The following C2CD4A variants were observed in gnomAD, a reference collection of about 807,000 sequenced individuals.
C2CD4A encodes C2 calcium-dependent domain-containing protein 4A.
A neutral mutation model predicts 0.4 loss-of-function variants in C2CD4A; 2 were observed. That is an observed-to-expected ratio of 4.45 (90% CI 1.82 to 13.99). The LOEUF (loss-of-function observed/expected upper bound fraction) is 13.99, where lower values mean the gene tolerates loss of function less well. C2CD4A is among the 30% of genes most tolerant of loss of function. The probability of loss-of-function intolerance (pLI) is 0.04; values close to 1 mark genes in which losing one functional copy is unlikely to be tolerated. For missense variants in C2CD4A, 610 were observed against 574.2 expected (o/e 1.06, Z -0.64); for synonymous variants, 297 against 280.8 (o/e 1.06, Z -0.58).
At position 62,068,121 on chromosome 15, in the gene C2CD4A, G is replaced by A. The variant is rs1206445824; in HGVS notation, c.508G>A (p.Asp170Asn). 13 of 1,181,556 alleles carry A rather than the reference G, an allele frequency of 1.1e-5. No individual in the cohort carries two copies. The highest frequency in any genetic ancestry group is 1.6e-5 in the African/African-American group (1 of 61,714). The allele number at this position is 1,181,556 out of a possible 1,614,324, so 73.2% of individuals were successfully genotyped here. The part of the protein sequence containing the change: ...AAPGCPRPPQ[D>N]ALARRPRGCR... ...CCCCGGCTGTCCCCGCCCGCCCCAG[G>A]ACGCGCTCGCCCGGCGGCCCCGCGG... The change falls in exon 2 of 2, where the codon GAC (aspartate) becomes AAC (asparagine). Residue 170 changes from aspartate to asparagine, a missense_variant. Physicochemically the swap from Asp to Asn is conservative, Grantham distance 23. Coordinates refer to ENST00000355522, the MANE Select transcript of C2CD4A (RefSeq NM_207322.3).
At position 62,068,058 on chromosome 15, in the gene C2CD4A, C is replaced by T. The variant is rs12911745; in HGVS notation, c.445C>T (p.Arg149Cys). 2 of 1,188,104 alleles carry T rather than the reference C, an allele frequency of 1.7e-6. No individual in the cohort carries two copies. The highest frequency in any genetic ancestry group is 2.1e-6 in the Non-Finnish European group (2 of 962,128). 73.6% of individuals were successfully genotyped at this position (1,188,104 alleles called of 1,614,324 possible). Reference protein sequence around the residue: ...GGPDALLGTLRVPRAPGPATP... With the variant: ...GGPDALLGTLCVPRAPGPATP... ...CCCGGACGCCCTCCTGGGGACCCTG[C>T]GCGTCCCGCGAGCTCCGGGCCCGGC... The change falls in exon 2 of 2, where the codon CGC (arginine) becomes TGC (cysteine). Residue 149 changes from arginine (R) to cysteine (C), a missense_variant. Coordinates refer to ENST00000355522, the MANE Select transcript of C2CD4A (RefSeq NM_207322.3).
Position 62,068,667 on chromosome 15 carries a change from CG to C in C2CD4A, c.1058del (p.Gly353AlafsTer34). On this transcript the variant is annotated frameshift_variant, in exon 2 of 2. Transcript: ENST00000355522. ...CCGGGACGAGGGCCGCGGCCGGGAG[CG>C]GGGCCGCCTGCTGGGCCAGGGTGAG... is the stretch of plus-strand genomic sequence containing the variant. ...KARDEGRGRE[R>X]GRLLGQGELS... 6.5e-7 allele frequency: 1 copy of C among 1,547,354 alleles called. No individual in the cohort carries two copies. The highest frequency in any genetic ancestry group is 8.7e-7 in the Non-Finnish European group (1 of 1,145,084).
In C2CD4A at chr15:62,067,980, G is replaced by C. The variant is rs765060811; in HGVS notation, c.367G>C (p.Gly123Arg). ...HTRRKESLLL[G>R]GPPAPRPRAH... is the part of the protein sequence containing the mutation. ...GCGCCGCAAGGAGTCGCTCCTGCTC[G>C]GGGGCCCGCCCGCGCCCCGGCCCCG... is the stretch of plus-strand genomic sequence containing the variant. The change falls in exon 2 of 2, where the codon GGG becomes CGG. Residue 123 changes from glycine (G) to arginine (R), a missense_variant. By Grantham distance (125) the Gly-to-Arg change is moderately radical. Coordinates refer to ENST00000355522, the MANE Select transcript of C2CD4A (RefSeq NM_207322.3). 18 of 1,427,486 alleles carry C rather than the reference G, an allele frequency of 1.3e-5. No individual in the cohort carries two copies. Among genetic ancestry groups the C allele is most frequent in the Admixed American group, 3.0e-5 (1 of 32,836 alleles). The allele number at this position is 1,427,486 out of a possible 1,614,324, so 88.4% of individuals were successfully genotyped here.
Position 62,070,519 on chromosome 15 carries a change from A to T in C2CD4A, c.*1796A>T. 4.8e-6 allele frequency: 2 copies of T among 413,540 alleles called. No homozygotes were observed. The highest frequency in any genetic ancestry group is 4.4e-6 in the Non-Finnish European group (1 of 226,152). 25.6% of individuals were successfully genotyped at this position (413,540 alleles called of 1,614,324 possible). ...ACAGTTTTATACATTCATGTTCATT[A>T]AAAATGCTATTTAGAAAAGAGTTTG... On this transcript the variant is annotated 3_prime_UTR_variant, in exon 2 of 2. Coordinates refer to ENST00000355522, the MANE Select transcript of C2CD4A (RefSeq NM_207322.3).
intron 1 of C2CD4A, 109 bp from the exon 2 acceptor site, chr15:62,067,476 G>A: frequency 1.0e-6 from 1 of 953,488 alleles, no homozygotes; most frequent in South Asian, 1.8e-5. Flanking sequence ...CCTTGTTTCG[G>A]GAAAGGCAGG....
In C2CD4A at chr15:62,068,648, C is replaced by G; in HGVS notation, c.1035C>G (p.Asp345Glu). The change falls in exon 2 of 2, where the codon GAC (aspartate) becomes GAG (glutamate). Residue 345 changes from aspartate to glutamate, a missense_variant. Asp to Glu is a conservative substitution (Grantham distance 45). Coordinates refer to ENST00000355522, the MANE Select transcript of C2CD4A (RefSeq NM_207322.3). ...TGGCCGTTCGAGTCAAGGCCCGGGA[C>G]GAGGGCCGCGGCCGGGAGCGGGGCC... The part of the protein sequence containing the change: ...RRLAVRVKAR[D>E]EGRGRERGRL... The G allele has an allele frequency of 1.3e-6, 2 of 1,550,846 alleles. No individual in the cohort carries two copies. The highest frequency in any genetic ancestry group is 1.7e-6 in the Non-Finnish European group (2 of 1,146,964).
rs1304457212 is a variant in C2CD4A at position 62,070,768 on chromosome 15, T to A, written c.*2045T>A. Reference sequence around the variant, plus strand: ...TTCAGATCTATCATGTGCTCTTCTATCTAATCAGTCAATATTTCCTTGGCC... The same window carrying A: ...TTCAGATCTATCATGTGCTCTTCTAACTAATCAGTCAATATTTCCTTGGCC... On this transcript the variant is annotated 3_prime_UTR_variant, in exon 2 of 2. Transcript: ENST00000355522. 2.8e-6 allele frequency: 1 copy of A among 351,604 alleles called. No homozygotes were observed. The highest frequency in any genetic ancestry group is 5.3e-6 in the Non-Finnish European group (1 of 189,340). The allele number at this position is 351,604 out of a possible 1,614,324, so 21.8% of individuals were successfully genotyped here. A position where few individuals can be genotyped will look rare whatever the true frequency, so the allele number is the denominator to read the frequency against.
Position 62,068,804 on chromosome 15 carries a change from G to A in C2CD4A, c.*81G>A. The A allele has an allele frequency of 7.1e-7, 1 of 1,412,618 alleles. No homozygotes were observed. Among genetic ancestry groups the A allele is most frequent in the Non-Finnish European group, 9.3e-7 (1 of 1,077,158 alleles). 87.5% of individuals were successfully genotyped at this position (1,412,618 alleles called of 1,614,324 possible). A position where few individuals can be genotyped will look rare whatever the true frequency, so the allele number is the denominator to read the frequency against. ...CGTGGTACAAAATAAACGTGTATTTGTTGTTCTTATCAGTCCCGTTTCAGT... is the reference window on the plus strand; with the variant it reads ...CGTGGTACAAAATAAACGTGTATTTATTGTTCTTATCAGTCCCGTTTCAGT... On this transcript the variant is annotated 3_prime_UTR_variant, in exon 2 of 2. Coordinates refer to ENST00000355522, the MANE Select transcript of C2CD4A (RefSeq NM_207322.3).
Position 62,068,867 on chromosome 15 carries a change from A to G in C2CD4A, c.*144A>G, listed in dbSNP as rs1043153291. On this transcript the variant is annotated 3_prime_UTR_variant, in exon 2 of 2. Coordinates refer to ENST00000355522, the MANE Select transcript of C2CD4A (RefSeq NM_207322.3). ...GAGATGATTCTAGATTAACTATCCC[A>G]GTAAAAGATATGATATTTTCCATAG... The G allele has an allele frequency of 3.4e-6, 4 of 1,168,100 alleles. No individual in the cohort carries two copies. The highest frequency in any genetic ancestry group is 3.4e-5 in the Admixed American group (1 of 29,606). The allele number at this position is 1,168,100 out of a possible 1,614,324, so 72.4% of individuals were successfully genotyped here. A position where few individuals can be genotyped will look rare whatever the true frequency, so the allele number is the denominator to read the frequency against.
rs973085680 is a variant in C2CD4A, at chr15:62,067,754, T to C, written c.141T>C (p.Pro47=). Residue 47 remains proline (P), a synonymous_variant, in exon 2 of 2, where the codon CCT becomes CCC. Coordinates refer to ENST00000355522, the MANE Select transcript of C2CD4A (RefSeq NM_207322.3). ...CANVLTPDRI[P]EFCIPPRLMP... ...ATGTGCTCACTCCGGACCGCATCCCTGAGTTCTGCATCCCGCCACGGCTCA... is the reference window on the plus strand; with the variant it reads ...ATGTGCTCACTCCGGACCGCATCCCCGAGTTCTGCATCCCGCCACGGCTCA... The C allele has an allele frequency of 6.2e-7, 1 of 1,613,042 alleles. No individual in the cohort carries two copies. Among genetic ancestry groups the C allele is most frequent in the African/African-American group, 1.3e-5 (1 of 75,052 alleles).
chr15:62,070,257 T>C lies in C2CD4A; in HGVS notation c.*1534T>C. Reference sequence around the variant, plus strand: ...TAAATATACAGGATGGTGTTAAATATGACTCCATTATCAATCTGGATTCAG... The same window carrying C: ...TAAATATACAGGATGGTGTTAAATACGACTCCATTATCAATCTGGATTCAG... On this transcript the variant is annotated 3_prime_UTR_variant, in exon 2 of 2. Transcript: ENST00000355522. 2.4e-6 allele frequency: 1 copy of C among 413,174 alleles called. No homozygotes were observed. Among genetic ancestry groups the C allele is most frequent in the Non-Finnish European group, 4.4e-6 (1 of 226,142 alleles). The allele number at this position is 413,174 out of a possible 1,614,324, so 25.6% of individuals were successfully genotyped here. A position where few individuals can be genotyped will look rare whatever the true frequency, so the allele number is the denominator to read the frequency against.
chr15:62,067,860 T>A lies in C2CD4A; in HGVS notation c.247T>A (p.Trp83Arg). 6.2e-7 allele frequency: 1 copy of A among 1,608,630 alleles called. No homozygotes were observed. The highest frequency in any genetic ancestry group is 8.5e-7 in the Non-Finnish European group (1 of 1,179,426). ...GGACGAGGGCGCCGGCCGCACAGAC[T>A]GGGACCCGCGCTCGCAGGCCGCGCT... ...GMDEGAGRTDWDPRSQAALSL... is the reference protein window; with the variant it reads ...GMDEGAGRTDRDPRSQAALSL... Residue 83 changes from tryptophan to arginine, a missense_variant, in exon 2 of 2, where the codon TGG becomes AGG. Coordinates refer to ENST00000355522, the MANE Select transcript of C2CD4A (RefSeq NM_207322.3).
rs1450548717 is a variant in C2CD4A, at chr15:62,068,242, G to T, written c.629G>T (p.Gly210Val). The T allele has an allele frequency of 7.3e-7, 1 of 1,376,142 alleles. No individual in the cohort carries two copies. The highest frequency in any genetic ancestry group is 1.5e-5 in the African/African-American group (1 of 66,286). The allele number at this position is 1,376,142 out of a possible 1,614,324, so 85.2% of individuals were successfully genotyped here. A position where few individuals can be genotyped will look rare whatever the true frequency, so the allele number is the denominator to read the frequency against. Residue 210 changes from glycine to valine, a missense_variant, in exon 2 of 2, where the codon GGG becomes GTG. Coordinates refer to ENST00000355522, the MANE Select transcript of C2CD4A (RefSeq NM_207322.3). ...ACCCGCGTCCGCTCCGTCTCCAGCG[G>T]GAACGAGGACAAGGAGCGCCGCGCG... ...RLTRVRSVSS[G>V]NEDKERRAGS... is the part of the protein sequence containing the mutation.
rs1229713426 is a variant in C2CD4A, at chr15:62,068,142, C to T, written c.529C>T (p.Arg177Cys). The T allele has an allele frequency of 3.3e-6, 4 of 1,207,604 alleles. No individual in the cohort carries two copies. The highest frequency in any genetic ancestry group is 7.5e-5 in the South Asian group (2 of 26,788). 74.8% of individuals were successfully genotyped at this position (1,207,604 alleles called of 1,614,324 possible). Residue 177 changes from arginine to cysteine, a missense_variant, in exon 2 of 2, where the codon CGC becomes TGC. By Grantham distance (180) the Arg-to-Cys change is radical (BLOSUM62 -3). Coordinates refer to ENST00000355522, the MANE Select transcript of C2CD4A (RefSeq NM_207322.3). ...CCAGGACGCGCTCGCCCGGCGGCCC[C>T]GCGGCTGCCGCCTCCTGCGCGTCCC... Reference protein sequence around the residue: ...PPQDALARRPRGCRLLRVPDG... With the variant: ...PPQDALARRPCGCRLLRVPDG...
Position 62,067,674 on chromosome 15 carries a change from C to A in C2CD4A, c.61C>A (p.Leu21Ile), listed in dbSNP as rs1029844480. Residue 21 changes from leucine to isoleucine, a missense_variant, in exon 2 of 2, where the codon CTT (leucine) becomes ATT (isoleucine). Leu to Ile is a conservative substitution (Grantham distance 5, BLOSUM62 2). Transcript: ENST00000355522. Reference protein sequence around the residue: ...PECLRRSGDWLLPGRARGAKS... With the variant: ...PECLRRSGDWILPGRARGAKS... ...GTGCCTTCGGCGGAGCGGAGACTGG[C>A]TTCTCCCGGGTCGGGCCCGCGGAGC... The A allele has an allele frequency of 6.2e-7, 1 of 1,607,446 alleles. No individual in the cohort carries two copies. Among genetic ancestry groups the A allele is most frequent in the African/African-American group, 1.3e-5 (1 of 74,924 alleles).
At position 62,067,866 on chromosome 15, in the gene C2CD4A, C is replaced by G. The variant is rs1444339348; in HGVS notation, c.253C>G (p.Pro85Ala). The change falls in exon 2 of 2, where the codon CCG becomes GCG. Residue 85 changes from proline (P) to alanine (A), a missense_variant. Coordinates refer to ENST00000355522, the MANE Select transcript of C2CD4A (RefSeq NM_207322.3). The stretch of plus-strand genomic sequence containing the variant: ...GGGCGCCGGCCGCACAGACTGGGAC[C>G]CGCGCTCGCAGGCCGCGCTGTCACT... ...DEGAGRTDWD[P>A]RSQAALSLPH... is the part of the protein sequence containing the mutation. The G allele has an allele frequency of 4.4e-6, 7 of 1,607,768 alleles. No homozygotes were observed. Among genetic ancestry groups the G allele is most frequent in the Non-Finnish European group, 5.9e-6 (7 of 1,179,266 alleles).
At position 62,068,878 on chromosome 15, in the gene C2CD4A, T is replaced by C. The variant is rs2049065661; in HGVS notation, c.*155T>C. The C allele has an allele frequency of 2.6e-6, 3 of 1,134,318 alleles. No individual in the cohort carries two copies. Among genetic ancestry groups the C allele is most frequent in the Non-Finnish European group, 3.5e-6 (3 of 849,724 alleles). The allele number at this position is 1,134,318 out of a possible 1,614,324, so 70.3% of individuals were successfully genotyped here. ...AGATTAACTATCCCAGTAAAAGATATGATATTTTCCATAGATACCTCCAGA... is the reference window on the plus strand; with the variant it reads ...AGATTAACTATCCCAGTAAAAGATACGATATTTTCCATAGATACCTCCAGA... On this transcript the variant is annotated 3_prime_UTR_variant, in exon 2 of 2. Coordinates refer to ENST00000355522, the MANE Select transcript of C2CD4A (RefSeq NM_207322.3).
Position 62,068,170 on chromosome 15 carries a change from ACGGGCTGCTGAGT to A in C2CD4A, c.560_572del (p.Gly187AlafsTer11). ...GGCTGCCGCCTCCTGCGCGTCCCCG[ACGGGCTGCTGAGT>A]CGCGCGCTGCGGGCTGGGAGGAGTC... On this transcript the variant is annotated frameshift_variant, in exon 2 of 2. Coordinates refer to ENST00000355522, the MANE Select transcript of C2CD4A (RefSeq NM_207322.3). 8.0e-7 allele frequency: 1 copy of A among 1,245,992 alleles called. No individual in the cohort carries two copies. The highest frequency in any genetic ancestry group is 3.3e-5 in the East Asian group (1 of 30,090). The allele number at this position is 1,245,992 out of a possible 1,614,324, so 77.2% of individuals were successfully genotyped here. A position where few individuals can be genotyped will look rare whatever the true frequency, so the allele number is the denominator to read the frequency against.
In C2CD4A at chr15:62,068,184, C is replaced by A; in HGVS notation, c.571C>A (p.Arg191Ser). 1 of 1,299,918 alleles carries A rather than the reference C, an allele frequency of 7.7e-7. No homozygotes were observed. Among genetic ancestry groups the A allele is most frequent in the East Asian group, 3.2e-5 (1 of 30,842 alleles). The allele number at this position is 1,299,918 out of a possible 1,614,324, so 80.5% of individuals were successfully genotyped here. A position where few individuals can be genotyped will look rare whatever the true frequency, so the allele number is the denominator to read the frequency against. Residue 191 changes from arginine (R) to serine (S), a missense_variant, in exon 2 of 2, where the codon CGC (arginine) becomes AGC (serine). Arg to Ser is a moderately radical substitution (Grantham distance 110, BLOSUM62 -1). Coordinates refer to ENST00000355522, the MANE Select transcript of C2CD4A (RefSeq NM_207322.3). ...LLRVPDGLLS[R>S]ALRAGRSRRL... Reference sequence around the variant, plus strand: ...GCGCGTCCCCGACGGGCTGCTGAGTCGCGCGCTGCGGGCTGGGAGGAGTCG... The same window carrying A: ...GCGCGTCCCCGACGGGCTGCTGAGTAGCGCGCTGCGGGCTGGGAGGAGTCG...
Sources: gnomAD v4.1 joint callset for allele counts on GRCh38, gnomAD v4.1.1 for gene constraint, MANE v1.5 for transcripts, NCBI Gene and HGNC (gene_info 2026-07-23, HGNC 2026-07-21) for gene names.